KHDRBS2: variants seen among roughly 807,000 people sequenced by gnomAD.
KHDRBS2 encodes KH domain-containing, RNA-binding, signal transduction-associated protein 2.
KHDRBS2 carries 26 observed loss-of-function variants against 44.3 expected under a neutral mutation model. The observed-to-expected ratio is 0.59, with a 90% CI of 0.43 to 0.81. The LOEUF (loss-of-function observed/expected upper bound fraction) is 0.81. Among genes scored for constraint, KHDRBS2 ranks in the 40% least tolerant of loss-of-function variants. KHDRBS2 has a pLI of 0.00. For synonymous variants in KHDRBS2, 194 were observed against 151.1 expected, an observed-to-expected ratio of 1.28 and a Z score of -2.08; for missense variants, 476 against 433.1, an observed-to-expected ratio of 1.10 and a Z score of -0.88.
At chr6:61,607,085 G>C in the KHDRBS2 span, among the ~76,000 whole-genome samples, 4 of 151,644 alleles carry the variant, frequency 2.6e-5, no homozygotes, top group East Asian at 7.8e-4. Context: ...TTCAGGATAC[G>C]CATGATTAAT....
chr6:61,834,519 A>T (rs1792343278), intron 6 of KHDRBS2, among the ~76,000 whole-genome samples: 1 of 152,016 alleles, frequency 6.6e-6, no homozygotes, highest in Non-Finnish European at 1.5e-5. Flanking sequence ...ATACTCTCAA[A>T]AGCTAATTCC....
At chr6:61,786,046 T>TAC (rs138367517) in intron 6 of KHDRBS2, among the ~76,000 whole-genome samples, 3,676 of 151,494 alleles carry the variant, frequency 0.024, 63 homozygotes, top group Non-Finnish European at 0.039. Flanking sequence ...TTCTCGTTCA[T>TAC]ACACACACAC....
chr6:62,086,582 T>G (rs978897212), intron 2 of KHDRBS2, among the ~76,000 whole-genome samples: 2 of 151,976 alleles, frequency 1.3e-5, no homozygotes, highest in African/African-American at 4.8e-5. Flanking sequence ...CAAAACGAGG[T>G]GACAAGGATT....
intron 3 of KHDRBS2, among the ~76,000 whole-genome samples, chr6:62,036,988 TA>T (rs1312391553): frequency 6.6e-6 from 1 of 152,000 alleles, no homozygotes; most frequent in East Asian, 1.9e-4. Context: ...ATTCTGAAAC[TA>T]AATGTTGCCC....
At chr6:61,801,594 A>G (rs1180250238) in intron 6 of KHDRBS2, among the ~76,000 whole-genome samples, 1 of 152,166 alleles carries the variant, frequency 6.6e-6, no homozygotes, top group East Asian at 1.9e-4. Flanking sequence ...GCCAAAGCAG[A>G]CTGAAGGTGC....
chr6:61,985,184 A>T (rs1344931924), intron 3 of KHDRBS2, among the ~76,000 whole-genome samples: 7 of 152,172 alleles, frequency 4.6e-5, no homozygotes, highest in Admixed American at 4.6e-4. Context: ...AATCAACCTT[A>T]TGAATCTTTA....
chr6:61,913,941 AGTAG>A (rs1182539038), intron 4 of KHDRBS2, among the ~76,000 whole-genome samples: 1 of 152,126 alleles, frequency 6.6e-6, no homozygotes, highest in Non-Finnish European at 1.5e-5. Flanking sequence ...AGGTCAGACA[AGTAG>A]GTAGGCTCTG....
At chr6:61,987,495 C>T (rs1554307925) in intron 3 of KHDRBS2, among the ~76,000 whole-genome samples, 2 of 152,102 alleles carry the variant, frequency 1.3e-5, no homozygotes, top group Non-Finnish European at 2.9e-5. Context: ...TTTTTGCAGG[C>T]TTTTTCTTCT....
chr6:62,168,977 A>G (rs1819257293), intron 2 of KHDRBS2, among the ~76,000 whole-genome samples: 1 of 144,302 alleles, frequency 6.9e-6, no homozygotes, highest in African/African-American at 2.5e-5. Context: ...CAACAATGAA[A>G]CATAGTATGT....
chr6:62,236,661 AGG>A lies in KHDRBS2; in HGVS notation c.91+49195_91+49196del, dbSNP rs543836514. ...CAGTTTCTTCGTCAATAATATGGGGAGGGTAATAGTACATTTTTTCGAATGCT... is the reference window on the plus strand; with the variant it reads ...CAGTTTCTTCGTCAATAATATGGGGAGTAATAGTACATTTTTTCGAATGCT... On this transcript the variant is annotated intron_variant, in intron 1 of 8. Coordinates refer to ENST00000281156, the MANE Select transcript of KHDRBS2 (RefSeq NM_152688.4). Among the ~76,000 whole-genome samples, 8 of 152,096 alleles carry A rather than the reference AGG, an allele frequency of 5.3e-5. No individual in the cohort carries two copies. The South Asian group carries it at 1.5e-3, about 28-fold the overall frequency.
intron 6 of KHDRBS2, among the ~76,000 whole-genome samples, chr6:61,831,365 G>T (rs1380410971): frequency 6.6e-6 from 1 of 152,016 alleles, no homozygotes; most frequent in East Asian, 1.9e-4. Context: ...TGTGTGGTGT[G>T]TGTGTGTGTG....
intron 2 of KHDRBS2, among the ~76,000 whole-genome samples, chr6:62,131,332 T>A (rs1292536705): frequency 1.3e-5 from 2 of 152,216 alleles, no homozygotes; most frequent in African/African-American, 4.8e-5. Context: ...GATGCTTTTA[T>A]TAGCAAGGAT....
intron 6 of KHDRBS2, among the ~76,000 whole-genome samples, chr6:61,840,850 CAT>C (rs1413512239): frequency 6.6e-6 from 1 of 152,128 alleles, no homozygotes; most frequent in African/African-American, 2.4e-5. Context: ...TCTAAGCTCT[CAT>C]GTTTCATTCC....
chr6:62,191,216 T>C (rs1382410493), intron 1 of KHDRBS2, among the ~76,000 whole-genome samples: 1 of 152,014 alleles, frequency 6.6e-6, no homozygotes, highest in Non-Finnish European at 1.5e-5. Flanking sequence ...CACTAAAAAT[T>C]GATCAACCGT....
In KHDRBS2 at chr6:62,053,262, T is replaced by A. The variant is rs574326779; in HGVS notation, c.220-5268A>T. ...CCAATCTATGCACCAGAGAAAAAAA[T>A]GGAGAAATATCCAAGAACTCAGCAG... On this transcript the variant is annotated intron_variant, in intron 2 of 8. Coordinates refer to ENST00000281156, the MANE Select transcript of KHDRBS2 (RefSeq NM_152688.4). 4.4e-3 allele frequency among the ~76,000 whole-genome samples: 662 copies of A among 151,306 alleles called. 4 individuals carry two copies. Among genetic ancestry groups the A allele is most frequent in the Middle Eastern group, 0.017 (5 of 294 alleles).
At chr6:62,185,011 C>T (rs1823137410) in intron 1 of KHDRBS2, among the ~76,000 whole-genome samples, 1 of 151,842 alleles carries the variant, frequency 6.6e-6, no homozygotes, top group Non-Finnish European at 1.5e-5. Flanking sequence ...TCTTTGTCAC[C>T]TGCTGGCTAC....
chr6:62,121,948 GC>G (rs1807754988), intron 2 of KHDRBS2, among the ~76,000 whole-genome samples: 5 of 152,080 alleles, frequency 3.3e-5, no homozygotes, highest in Admixed American at 3.3e-4. Flanking sequence ...GCTGCATTTG[GC>G]CCCTACTACC....
chr6:61,989,492 C>A (rs1364851852), intron 3 of KHDRBS2, among the ~76,000 whole-genome samples: 2 of 152,136 alleles, frequency 1.3e-5, no homozygotes, highest in African/African-American at 4.8e-5. Flanking sequence ...CTGTCACATT[C>A]TCTTACTTGG....
chr6:62,197,684 A>G (rs2150135635), intron 1 of KHDRBS2, among the ~76,000 whole-genome samples: 1 of 152,286 alleles, frequency 6.6e-6, no homozygotes, highest in Non-Finnish European at 1.5e-5. Flanking sequence ...TCAACCAGAC[A>G]GAAAGTTAAC....
Sources: gnomAD v4.1 joint callset for allele counts (sites outside exome capture counted in the v4.1 genomes callset) on GRCh38, gnomAD v4.1.1 for gene constraint, MANE v1.5 for transcripts, NCBI Gene and HGNC (gene_info 2026-07-23, HGNC 2026-07-21) for gene names.